IRX4: variants seen among roughly 807,000 people sequenced by gnomAD.
IRX4 encodes iroquois-class homeodomain protein IRX-4.
Under a neutral mutation model 32.0 loss-of-function variants are expected in IRX4, and 22 were observed. The observed-to-expected ratio is 0.69, with a 90% CI of 0.49 to 0.98. The LOEUF is 0.98. Among genes scored for constraint, IRX4 ranks in the 50% least tolerant of loss-of-function variants. IRX4 has a pLI of 0.00. For missense variants in IRX4, 840 were observed against 744.2 expected (o/e 1.13, Z -1.50); for synonymous variants, 379 against 351.7 (o/e 1.08, Z -0.87).
chr5:1,886,772 C>G (rs1735646269), upstream of IRX4: 1 of 151,956 alleles, frequency 6.6e-6, no homozygotes, highest in South Asian at 2.1e-4. Flanking sequence ...GCAGCGGCCT[C>G]TGGAGAGCCT....
At chr5:1,886,461 C>T (rs113418587), upstream of IRX4, among the ~76,000 whole-genome samples, 8 of 152,334 alleles carry the variant, frequency 5.3e-5, 1 homozygote, top group African/African-American at 1.9e-4. Context: ...GCCGCACTGG[C>T]GAACCTCGAG....
At position 1,878,700 on chromosome 5, in the gene IRX4, G is replaced by C. The variant is rs1162703768; in HGVS notation, c.829C>G (p.Pro277Ala). ...CCGCCGTCCAGGGAGTGGAAGGGCGGCTTCAGCTCGCACGCCGGCGGCTCT... is the reference window on the plus strand; with the variant it reads ...CCGCCGTCCAGGGAGTGGAAGGGCGCCTTCAGCTCGCACGCCGGCGGCTCT... Reference protein sequence around the residue: ...EAEPPACELKPPFHSLDGGLE... With the variant: ...EAEPPACELKAPFHSLDGGLE... The change falls in exon 5 of 5, where the codon CCG becomes GCG. Residue 277 changes from proline (P) to alanine (A), a missense_variant. By Grantham distance (27) the Pro-to-Ala change is conservative. This residue lies in a region of IRX4 where 585 missense variants were observed against 488.0 expected (regional missense o/e 1.20). Transcript: ENST00000231357. The C allele has an allele frequency of 1.9e-6, 3 of 1,611,466 alleles. No individual in the cohort carries two copies. The highest frequency in any genetic ancestry group is 4.5e-5 in the East Asian group (2 of 44,742).
At chr5:1,879,109 A>G (rs1735331031) in intron 4 of IRX4, among the ~76,000 whole-genome samples, 1 of 151,592 alleles carries the variant, frequency 6.6e-6, no homozygotes, top group Non-Finnish European at 1.5e-5. Context: ...CTCCTGCCTC[A>G]GCCTCCCGAG....
At chr5:1,886,325 C>G (rs1049159896), upstream of IRX4, among the ~76,000 whole-genome samples, 7 of 152,256 alleles carry the variant, frequency 4.6e-5, no homozygotes, top group Non-Finnish European at 1.0e-4. Flanking sequence ...GCCGGGAGCC[C>G]GGGGCACCAG....
chr5:1,880,229 G>T (rs987513245), intron 3 of IRX4: 1 of 1,098,178 alleles, frequency 9.1e-7, no homozygotes, highest in Non-Finnish European at 1.3e-6. Context: ...TGCCCAGGAG[G>T]AGAAAGCACC....
At chr5:1,887,068 T>A (rs1735655470), upstream of IRX4, 1 of 151,118 alleles carries the variant, frequency 6.6e-6, no homozygotes, top group Non-Finnish European at 1.5e-5. Context: ...CTACCTGCGG[T>A]GGCGCTGGGC....
At position 1,879,810 on chromosome 5, in the gene IRX4, T is replaced by G. The variant is rs1561136190; in HGVS notation, c.430A>C (p.Thr144Pro). 2 of 1,614,042 alleles carry G rather than the reference T, an allele frequency of 1.2e-6. No individual in the cohort carries two copies. Among genetic ancestry groups the G allele is most frequent in the Admixed American group, 1.7e-5 (1 of 60,024 alleles). The change falls in exon 4 of 5, where the codon ACG becomes CCG. Residue 144 changes from threonine (T) to proline (P), a missense_variant. By Grantham distance (38) the Thr-to-Pro change is conservative. Coordinates refer to ENST00000231357, the MANE Select transcript of IRX4 (RefSeq NM_016358.3). ...YDRYGTMDSG[T>P]RRKNATRETT... ...TCGCGCGTGGCGTTCTTGCGCCGCG[T>G]GCCGCTGTCCATGGTTCCATACCTG...
intron 4 of IRX4, 124 bp from the exon 5 acceptor site, chr5:1,878,916 G>C (rs1735321565): frequency 4.0e-6 from 4 of 1,005,618 alleles, no homozygotes; most frequent in Admixed American, 1.9e-5. Flanking sequence ...GCCTCTCTTC[G>C]CGTCTCCCAT....
upstream of IRX4, chr5:1,884,716 C>G (rs1314710977): frequency 6.6e-6 from 1 of 152,258 alleles, no homozygotes; most frequent in East Asian, 1.9e-4. Context: ...ACCTGAATCG[C>G]TAATATCACC....
In IRX4 at chr5:1,881,883, C is replaced by G; in HGVS notation, c.222G>C (p.Gly74=). 6.3e-7 allele frequency: 1 copy of G among 1,585,504 alleles called. No individual in the cohort carries two copies. Among genetic ancestry groups the G allele is most frequent in the South Asian group, 1.2e-5 (1 of 86,822 alleles). Residue 74 remains glycine (G), a synonymous_variant, in exon 2 of 5, where the codon GGG becomes GGC. Coordinates refer to ENST00000231357, the MANE Select transcript of IRX4 (RefSeq NM_016358.3). Reference sequence around the variant, plus strand: ...AGCCCTGCGATCCGCCATAGGGACCCCCATAGACGCCCAGCGCCGCGGCCG... The same window carrying G: ...AGCCCTGCGATCCGCCATAGGGACCGCCATAGACGCCCAGCGCCGCGGCCG... ...LNSAAALGVY[G]GPYGGSQGYG...
chr5:1,878,149 G>T lies in IRX4; in HGVS notation c.1380C>A (p.Ala460=), dbSNP rs1455653655. The change falls in exon 5 of 5, where the codon GCC becomes GCA. Residue 460 remains alanine, a synonymous_variant. Coordinates refer to ENST00000231357, the MANE Select transcript of IRX4 (RefSeq NM_016358.3). Reference sequence around the variant, plus strand: ...GCCCGGGGTCCAGGAGGGCGCCCTTGGCGGTGGCCCAGGCCTGGTTCAAAG... The same window carrying T: ...GCCCGGGGTCCAGGAGGGCGCCCTTTGCGGTGGCCCAGGCCTGGTTCAAAG... ...HSTLNQAWAT[A]KGALLDPGPL... is the part of the protein sequence containing the mutation. The T allele has an allele frequency of 6.4e-7, 1 of 1,560,960 alleles. No individual in the cohort carries two copies. Among genetic ancestry groups the T allele is most frequent in the East Asian group, 2.4e-5 (1 of 42,454 alleles).
At position 1,878,126 on chromosome 5, in the gene IRX4, C is replaced by T; in HGVS notation, c.1403G>A (p.Gly468Glu). 2 of 1,547,654 alleles carry T rather than the reference C, an allele frequency of 1.3e-6. No homozygotes were observed. Among genetic ancestry groups the T allele is most frequent in the Non-Finnish European group, 8.7e-7 (1 of 1,152,132 alleles). Reference sequence around the variant, plus strand: ...CGCCCCCAGCGAGCGTCCCAGAGGCCCGGGGTCCAGGAGGGCGCCCTTGGC... The same window carrying T: ...CGCCCCCAGCGAGCGTCCCAGAGGCTCGGGGTCCAGGAGGGCGCCCTTGGC... ...ATAKGALLDP[G>E]PLGRSLGAGA... The change falls in exon 5 of 5, where the codon GGG becomes GAG. Residue 468 changes from glycine to glutamate, a missense_variant. Transcript: ENST00000231357.
upstream of IRX4, among the ~76,000 whole-genome samples, chr5:1,885,850 G>A (rs72706719): frequency 0.038 from 5,851 of 152,400 alleles, 178 homozygotes; most frequent in Admixed American, 0.074. Context: ...AGGACGCTCA[G>A]CATCTCAGGT....
At position 1,882,753 on chromosome 5, in the gene IRX4, AG is replaced by A; in HGVS notation, c.-107del. Reference sequence around the variant, plus strand: ...GAGCTGCAGGCTTCTAGGCGCTGGGAGGGCGAAGCAGGAGAGCCGGTTAGTC... The same window carrying A: ...GAGCTGCAGGCTTCTAGGCGCTGGGAGGCGAAGCAGGAGAGCCGGTTAGTC... On this transcript the variant is annotated 5_prime_UTR_variant, in exon 1 of 5. An upstream open reading frame in the 5' UTR gains an earlier in-frame stop. Transcript: ENST00000231357. The A allele has an allele frequency of 1.5e-6, 1 of 652,762 alleles. No homozygotes were observed. Among genetic ancestry groups the A allele is most frequent in the Non-Finnish European group, 2.3e-6 (1 of 427,856 alleles). 40.4% of individuals were successfully genotyped at this position (652,762 alleles called of 1,614,324 possible).
At position 1,880,768 on chromosome 5, in the gene IRX4, A is replaced by C. The variant is rs1335168670; in HGVS notation, c.364T>G (p.Tyr122Asp). The change falls in exon 3 of 5, where the codon TAC becomes GAC. Residue 122 changes from tyrosine to aspartate, a missense_variant. This residue lies in a region of IRX4 where 241 missense variants were observed against 220.8 expected (regional missense o/e 1.09). Transcript: ENST00000231357. ...HGGLAPAAAAYYPYEPALGQY... is the reference protein window; with the variant it reads ...HGGLAPAAAADYPYEPALGQY... ...CCCAGAGCTGGCTCGTAAGGGTAGTAGGCGGCAGCGGCTGGTGCCAGGCCC... is the reference window on the plus strand; with the variant it reads ...CCCAGAGCTGGCTCGTAAGGGTAGTCGGCGGCAGCGGCTGGTGCCAGGCCC... The C allele has an allele frequency of 6.2e-7, 1 of 1,613,636 alleles. No homozygotes were observed. The highest frequency in any genetic ancestry group is 1.3e-5 in the African/African-American group (1 of 74,878).
intron 1 of IRX4, 102 bp from the exon 2 acceptor site, chr5:1,882,161 A>AC: frequency 2.2e-6 from 3 of 1,385,126 alleles, no homozygotes; most frequent in Non-Finnish European, 2.9e-6. Flanking sequence ...TGCCCCGAGT[A>AC]CCCCCGGGCC....
chr5:1,878,286 AC>A lies in IRX4; in HGVS notation c.1242del (p.Ser415LeufsTer18). 1 of 1,596,314 alleles carries A rather than the reference AC, an allele frequency of 6.3e-7. No individual in the cohort carries two copies. Among genetic ancestry groups the A allele is most frequent in the Non-Finnish European group, 8.5e-7 (1 of 1,172,398 alleles). On this transcript the variant is annotated frameshift_variant, in exon 5 of 5. Transcript: ENST00000231357. LOFTEE classifies it high-confidence loss of function. ...GCGCCAGAGTGGGGAAGGGCCACAG[AC>A]GGGGACGTGGCGGGCGCGGAGGACA... is the stretch of plus-strand genomic sequence containing the variant. The part of the protein sequence containing the change: ...AAVSSAPATS[P>X]SVALPHSGAL...
intron 2 of IRX4, 103 bp downstream of exon 2, chr5:1,881,705 T>A: frequency 7.0e-7 from 1 of 1,425,434 alleles, no homozygotes; most frequent in South Asian, 1.3e-5. Context: ...GCCTCCCCTC[T>A]GTGACAGTCC....
intron 4 of IRX4, 114 bp from the exon 5 acceptor site, chr5:1,878,906 G>A (rs568060159): frequency 2.8e-6 from 3 of 1,086,506 alleles, no homozygotes; most frequent in Non-Finnish European, 4.2e-6. Flanking sequence ...AGCACTCGGG[G>A]CCTCTCTTCG....
Sources: gnomAD v4.1 joint callset for allele counts (sites outside exome capture counted in the v4.1 genomes callset) on GRCh38, gnomAD v4.1.1 for gene constraint, gnomAD v4.1.1 regional missense constraint, MANE v1.5 for transcripts, NCBI Gene and HGNC (gene_info 2026-07-23, HGNC 2026-07-21) for gene names.